RALGPS1: variants seen among roughly 807,000 people sequenced by gnomAD.
The protein encoded by RALGPS1 is Ral GEF with PH domain and SH3 binding motif 1.
In RALGPS1, 19 loss-of-function variants were observed where a neutral mutation model predicts 78.8. That is an observed-to-expected ratio of 0.24 (90% CI 0.17 to 0.35). RALGPS1 has a LOEUF of 0.35. RALGPS1 is among the 10% of genes least tolerant of loss of function. The pLI is 1.00. For missense variants in RALGPS1, 454 were observed against 688.3 expected, an observed-to-expected ratio of 0.66 and a Z score of 3.81; for synonymous variants, 228 against 256.3, an observed-to-expected ratio of 0.89 and a Z score of 1.06.
intron 11 of RALGPS1, among the ~76,000 whole-genome samples, chr9:127,191,249 A>T (rs114695827): frequency 2.6e-5 from 4 of 152,092 alleles, no homozygotes; most frequent in Admixed American, 2.0e-4. Flanking sequence ...AATGTTGTCA[A>T]ATTTATTCAT....
intron 7 of RALGPS1, among the ~76,000 whole-genome samples, chr9:127,060,861 C>T (rs369930866): frequency 1.3e-5 from 2 of 152,188 alleles, no homozygotes; most frequent in African/African-American, 4.8e-5. Context: ...ACAACCATTC[C>T]GACACCAGTT....
At chr9:127,044,743 C>G (rs574596754) in intron 5 of RALGPS1, among the ~76,000 whole-genome samples, 106 of 152,262 alleles carry the variant, frequency 7.0e-4, no homozygotes, top group African/African-American at 2.5e-3. Flanking sequence ...TCTCTCCTTC[C>G]TCTAATAGTC....
chr9:127,219,089 C>T lies in RALGPS1; in HGVS notation c.*320C>T, dbSNP rs2062707744. On this transcript the variant is annotated 3_prime_UTR_variant, in exon 19 of 19. Coordinates refer to ENST00000259351, the MANE Select transcript of RALGPS1 (RefSeq NM_014636.3). The surrounding 1 kb of genome is among the most constrained non-coding windows in gnomAD (Gnocchi z 5.0). ...CCCGGCCCACGTTGGGTTCTCAGTG[C>T]TTTCTACTGCACAGAGTGGACAGCG... is the stretch of plus-strand genomic sequence containing the variant. The T allele has an allele frequency of 6.9e-6, 3 of 437,114 alleles. No homozygotes were observed. Among genetic ancestry groups the T allele is most frequent in the Non-Finnish European group, 8.5e-6 (2 of 233,966 alleles). 27.1% of individuals were successfully genotyped at this position (437,114 alleles called of 1,614,324 possible).
At chr9:127,196,681 C>T (rs765305454) in intron 13 of RALGPS1, 50 bp downstream of exon 13, 27 of 1,508,710 alleles carry the variant, frequency 1.8e-5, no homozygotes, top group Non-Finnish European at 2.4e-5. Flanking sequence ...GTAGGCCCAG[C>T]GTGTGCTCCG....
chr9:127,162,243 G>A (rs755735569), intron 8 of RALGPS1, among the ~76,000 whole-genome samples: 27 of 152,218 alleles, frequency 1.8e-4, no homozygotes, highest in Non-Finnish European at 3.5e-4. Flanking sequence ...CGTTAGGCCT[G>A]ATGGGGAGTC....
chr9:126,989,876 C>G, intron 4 of RALGPS1: 4 of 1,550,064 alleles, frequency 2.6e-6, no homozygotes, highest in Non-Finnish European at 3.5e-6. Flanking sequence ...TCTGTTGGGT[C>G]CTTTTCTGGT....
intron 1 of RALGPS1, among the ~76,000 whole-genome samples, 169 bp from the exon 2 acceptor site, chr9:126,962,056 C>T (rs531573528): frequency 6.6e-5 from 10 of 152,234 alleles, no homozygotes; most frequent in African/African-American, 2.2e-4. Flanking sequence ...CTGTACAAGC[C>T]CATCAAACTG....
Position 127,071,707 on chromosome 9 carries a change from A to C in RALGPS1, c.610+2351A>C, listed in dbSNP as rs774011061. ...TGTAATAGTCTCAGTGATATTCTTT[A>C]AATACTCCCTATAGTTTTAATTTTT... On this transcript the variant is annotated intron_variant, in intron 8 of 18. Coordinates refer to ENST00000259351, the MANE Select transcript of RALGPS1 (RefSeq NM_014636.3). Among the ~76,000 whole-genome samples, 13 of 152,130 alleles carry C rather than the reference A, an allele frequency of 8.5e-5. No homozygotes were observed. The South Asian group carries it at 1.7e-3, about 19-fold the overall frequency.
intron 8 of RALGPS1, among the ~76,000 whole-genome samples, chr9:127,128,688 A>G (rs2056800201): frequency 6.6e-6 from 1 of 152,296 alleles, no homozygotes; most frequent in East Asian, 1.9e-4. Flanking sequence ...TCCTCTCTTG[A>G]AGGCGCGTGG....
At chr9:127,100,120 T>C (rs922568713) in intron 8 of RALGPS1, among the ~76,000 whole-genome samples, 4 of 152,238 alleles carry the variant, frequency 2.6e-5, no homozygotes, top group African/African-American at 9.6e-5. Flanking sequence ...TTAGATTTTT[T>C]TCACTTCCCA....
At chr9:127,174,216 A>AAAAG (rs996220793) in intron 10 of RALGPS1, among the ~76,000 whole-genome samples, 2 of 151,780 alleles carry the variant, frequency 1.3e-5, no homozygotes, top group African/African-American at 2.4e-5. Flanking sequence ...AGACTCCATC[A>AAAAG]AAAGAAAGAA....
chr9:127,049,834 G>A (rs892381374), intron 5 of RALGPS1, among the ~76,000 whole-genome samples: 9 of 152,224 alleles, frequency 5.9e-5, no homozygotes, highest in Non-Finnish European at 1.5e-5. Flanking sequence ...AGTGTGCACT[G>A]GAGACAGGGT....
At chr9:126,994,103 A>C (rs1178560783) in intron 4 of RALGPS1, among the ~76,000 whole-genome samples, 1 of 152,214 alleles carries the variant, frequency 6.6e-6, no homozygotes, top group Non-Finnish European at 1.5e-5. Flanking sequence ...AAAAACTGGA[A>C]ACTCTAAAAA....
intron 11 of RALGPS1, among the ~76,000 whole-genome samples, chr9:127,185,899 C>T (rs2060613289): frequency 6.6e-6 from 1 of 152,120 alleles, no homozygotes; most frequent in Non-Finnish European, 1.5e-5. Context: ...GGGAGGCTGT[C>T]AGTCAGGGTC....
At chr9:127,073,983 G>A (rs915536356) in intron 8 of RALGPS1, among the ~76,000 whole-genome samples, 5 of 152,198 alleles carry the variant, frequency 3.3e-5, no homozygotes, top group Admixed American at 2.6e-4. Flanking sequence ...CCGGGTTCAA[G>A]CAATTCTCCT....
chr9:126,987,170 C>G (rs1588854879), intron 4 of RALGPS1, among the ~76,000 whole-genome samples: 1 of 152,232 alleles, frequency 6.6e-6, no homozygotes, highest in East Asian at 1.9e-4. Context: ...GAGCTCGGTT[C>G]ACATCCTGGT....
chr9:126,996,586 C>T (rs990850281), intron 4 of RALGPS1, among the ~76,000 whole-genome samples: 2 of 152,114 alleles, frequency 1.3e-5, no homozygotes, highest in African/African-American at 2.4e-5. Flanking sequence ...GATTCACAGC[C>T]GAATTCTACC....
chr9:127,116,907 AAC>A (rs1479840072), intron 8 of RALGPS1, among the ~76,000 whole-genome samples: 27 of 152,168 alleles, frequency 1.8e-4, no homozygotes, highest in South Asian at 6.2e-4. Flanking sequence ...TGGGCCCAGT[AAC>A]AGATTTGTCT....
At chr9:127,184,727 C>T (rs999242212) in intron 11 of RALGPS1, among the ~76,000 whole-genome samples, 77 of 152,366 alleles carry the variant, frequency 5.1e-4, no homozygotes, top group African/African-American at 1.8e-3. Flanking sequence ...AGTGAGAAAA[C>T]GCAGGCTCCA....
Sources: allele counts gnomAD v4.1 joint callset (sites outside exome capture counted in the v4.1 genomes callset), GRCh38; gene constraint gnomAD v4.1.1; non-coding constraint Gnocchi (gnomAD v3.1); transcripts MANE v1.5; gene names NCBI Gene and HGNC (gene_info 2026-07-23, HGNC 2026-07-21).